Variants in PPP3R1 observed in about 807,000 individuals in gnomAD.
PPP3R1 encodes calcineurin subunit B type 1.
In PPP3R1, 5 loss-of-function variants were observed where a neutral mutation model predicts 22.6. The observed-to-expected ratio is 0.22, with a 90% CI of 0.12 to 0.46. The LOEUF is 0.46. PPP3R1 is among the 20% of genes least tolerant of loss of function. The probability of loss-of-function intolerance (pLI) is 0.99; values close to 1 mark genes in which losing one functional copy is unlikely to be tolerated. For synonymous variants in PPP3R1, 56 were observed against 65.2 expected, an observed-to-expected ratio of 0.86 and a Z score of 0.68; for missense variants, 61 against 203.2, an observed-to-expected ratio of 0.30 and a Z score of 4.25.
intron 4 of PPP3R1, 73 bp downstream of exon 4, chr2:68,187,182 A>C: frequency 8.2e-7 from 1 of 1,213,546 alleles, no homozygotes; most frequent in South Asian, 1.5e-5. Flanking sequence ...TCATTATTTT[A>C]AAAAGCATTC....
At chr2:68,196,154 G>A (rs1444341613) in intron 2 of PPP3R1, among the ~76,000 whole-genome samples, 1 of 152,126 alleles carries the variant, frequency 6.6e-6, no homozygotes, top group African/African-American at 2.4e-5. Flanking sequence ...TAACTCCTGT[G>A]AAGATCACAA....
rs1164322799 is a variant in PPP3R1, at chr2:68,208,158, A to T, written c.43+8934T>A. On this transcript the variant is annotated intron_variant, in intron 2 of 5. Coordinates refer to ENST00000234310, the MANE Select transcript of PPP3R1 (RefSeq NM_000945.4). Reference sequence around the variant, plus strand: ...ACAAGAGCAAAACTGCTGTCTCAAAAAACGCCCGACTCACTGACTTTACCA... The same window carrying T: ...ACAAGAGCAAAACTGCTGTCTCAAATAACGCCCGACTCACTGACTTTACCA... 2.6e-5 allele frequency among the ~76,000 whole-genome samples: 4 copies of T among 152,282 alleles called. No homozygotes were observed. In the East Asian group the frequency reaches 7.7e-4, roughly 29 times the overall value.
At chr2:68,236,786 A>G (rs1670027406) in intron 1 of PPP3R1, among the ~76,000 whole-genome samples, 1 of 152,184 alleles carries the variant, frequency 6.6e-6, no homozygotes, top group African/African-American at 2.4e-5. Flanking sequence ...CTTAAATGCC[A>G]GAGTAAGGAA....
intron 1 of PPP3R1, among the ~76,000 whole-genome samples, chr2:68,246,815 C>G (rs1426962435): frequency 6.6e-6 from 1 of 152,202 alleles, no homozygotes; most frequent in African/African-American, 2.4e-5. Context: ...AGTTTCACGG[C>G]TTCAACTACT....
chr2:68,188,149 A>G (rs1674585348), intron 3 of PPP3R1, among the ~76,000 whole-genome samples: 1 of 152,330 alleles, frequency 6.6e-6, no homozygotes, highest in South Asian at 2.1e-4. Flanking sequence ...CAGCCTGGGC[A>G]AAAGAGCGAG....
chr2:68,188,797 G>A (rs1013600330), intron 2 of PPP3R1, 107 bp from the exon 3 acceptor site: 15 of 892,186 alleles, frequency 1.7e-5, no homozygotes, highest in African/African-American at 1.2e-4. Flanking sequence ...TTATAGGGGG[G>A]AAAAAAAATC....
At chr2:68,202,854 G>A (rs1375044713) in intron 2 of PPP3R1, among the ~76,000 whole-genome samples, 2 of 132,452 alleles carry the variant, frequency 1.5e-5, no homozygotes, top group Non-Finnish European at 3.0e-5. Flanking sequence ...CCAGGCTGGA[G>A]TGCAGTGGCA....
intron 2 of PPP3R1, among the ~76,000 whole-genome samples, chr2:68,191,202 T>C (rs1023232401): frequency 6.6e-6 from 1 of 152,184 alleles, no homozygotes; most frequent in Non-Finnish European, 1.5e-5. Context: ...ATTTCATCAT[T>C]GTATGAACAT....
rs1314869738 is a variant in PPP3R1 at position 68,179,420 on chromosome 2, G to C, written c.*1543C>G. ...TGTCATGCAAGGACACCAAGCACCG[G>C]GATTTTTCTCTCACAGACAGAGCCC... is the stretch of plus-strand genomic sequence containing the variant. On this transcript the variant is annotated 3_prime_UTR_variant, in exon 6 of 6. Coordinates refer to ENST00000234310, the MANE Select transcript of PPP3R1 (RefSeq NM_000945.4). 6.6e-6 allele frequency: 1 copy of C among 152,500 alleles called. No individual in the cohort carries two copies. The highest frequency in any genetic ancestry group is 6.5e-5 in the Admixed American group (1 of 15,272). The allele number at this position is 152,500 out of a possible 1,614,324, so 9.4% of individuals were successfully genotyped here.
chr2:68,215,844 G>T (rs374398876), intron 2 of PPP3R1, among the ~76,000 whole-genome samples: 18 of 152,148 alleles, frequency 1.2e-4, no homozygotes, highest in African/African-American at 3.9e-4. Flanking sequence ...AGTAGATAGG[G>T]CTAAATAAAT....
chr2:68,219,677 G>A (rs985940449), intron 1 of PPP3R1, among the ~76,000 whole-genome samples: 1 of 152,098 alleles, frequency 6.6e-6, no homozygotes, highest in Non-Finnish European at 1.5e-5. Flanking sequence ...TCCAGTCTAG[G>A]GTTGGGAAAT....
rs962509609 is a variant in PPP3R1 at position 68,178,867 on chromosome 2, ATATTT to A, written c.*2091_*2095del. ...CTGAATACATTCAAGCAAGTTTCAA[ATATTT>A]TATTTTCTTATTCATACAGTATGAA... On this transcript the variant is annotated 3_prime_UTR_variant, in exon 6 of 6. Transcript: ENST00000234310. The A allele has an allele frequency of 1.3e-5, 2 of 152,586 alleles. No individual in the cohort carries two copies. The highest frequency in any genetic ancestry group is 2.4e-5 in the African/African-American group (1 of 41,436). The allele number at this position is 152,586 out of a possible 1,614,324, so 9.5% of individuals were successfully genotyped here. A position where few individuals can be genotyped will look rare whatever the true frequency, so the allele number is the denominator to read the frequency against.
intron 2 of PPP3R1, among the ~76,000 whole-genome samples, chr2:68,205,099 T>G (rs1001592604): frequency 8.6e-5 from 13 of 152,034 alleles, no homozygotes; most frequent in African/African-American, 2.9e-4. Flanking sequence ...CACACAAAGT[T>G]TGAAAAAAGA....
At chr2:68,202,406 T>TTTGTTG (rs71906115) in intron 2 of PPP3R1, among the ~76,000 whole-genome samples, 53 of 146,238 alleles carry the variant, frequency 3.6e-4, no homozygotes, top group South Asian at 2.6e-3. Flanking sequence ...TTTTTCGTTT[T>TTTGTTG]TTGTTGTTGT....
At chr2:68,202,488 AG>A (rs1176566950) in intron 2 of PPP3R1, among the ~76,000 whole-genome samples, 1 of 151,496 alleles carries the variant, frequency 6.6e-6, no homozygotes, top group African/African-American at 2.4e-5. Context: ...GCAATGACAC[AG>A]ACTCGGCTCA....
At chr2:68,204,353 G>GATATATATTCTGATATAT (rs1675063861) in intron 2 of PPP3R1, among the ~76,000 whole-genome samples, 1 of 148,344 alleles carries the variant, frequency 6.7e-6, no homozygotes, top group African/African-American at 2.5e-5. Flanking sequence ...TATATATTCT[G>GATATATATTCTGATATAT]ATATATATAT....
intron 2 of PPP3R1, among the ~76,000 whole-genome samples, chr2:68,191,932 T>C (rs1674676116): frequency 6.6e-6 from 1 of 152,182 alleles, no homozygotes; most frequent in Non-Finnish European, 1.5e-5. Flanking sequence ...TACAAATGCT[T>C]TTCGCTTATT....
At chr2:68,211,406 C>CCAAAAAAA (rs565919578) in intron 2 of PPP3R1, among the ~76,000 whole-genome samples, 93 of 77,384 alleles carry the variant, frequency 1.2e-3, no homozygotes, top group African/African-American at 5.0e-3. Flanking sequence ...GACTCTGTCT[C>CCAAAAAAA]AAAAAAAAAA....
intron 5 of PPP3R1, 125 bp downstream of exon 5, chr2:68,186,343 C>CG: frequency 1.2e-6 from 1 of 831,876 alleles, no homozygotes. Flanking sequence ...CAAAACAATA[C>CG]GGGCAATTAG....
Sources: gnomAD v4.1 joint callset for allele counts (sites outside exome capture counted in the v4.1 genomes callset) on GRCh38, gnomAD v4.1.1 for gene constraint, MANE v1.5 for transcripts, NCBI Gene and HGNC (gene_info 2026-07-23, HGNC 2026-07-21) for gene names.